The following CACNG4 variants were observed in gnomAD, a reference collection of about 807,000 sequenced individuals.
CACNG4 encodes the protein calcium voltage-gated channel auxiliary subunit gamma 4, also known as voltage-dependent calcium channel gamma-4 subunit.
In CACNG4, 8 loss-of-function variants were observed where a neutral mutation model predicts 22.9. The observed-to-expected ratio is 0.35, with a 90% CI of 0.21 to 0.63. The LOEUF is 0.63. CACNG4 is among the 30% of genes least tolerant of loss of function. The probability of loss-of-function intolerance (pLI) is 0.72; values close to 1 mark genes in which losing one functional copy is unlikely to be tolerated. For synonymous variants in CACNG4, 188 were observed against 191.9 expected (o/e 0.98, Z 0.17); for missense variants, 357 against 455.4 (o/e 0.78, Z 1.97).
chr17:67,022,995 A>T (rs1383373681), intron 2 of CACNG4, among the ~76,000 whole-genome samples: 5 of 152,350 alleles, frequency 3.3e-5, no homozygotes, highest in African/African-American at 9.6e-5. Flanking sequence ...ATGGTGTGGA[A>T]GCCAGAAGCC....
intron 1 of CACNG4, among the ~76,000 whole-genome samples, chr17:66,975,039 G>C (rs1356105530): frequency 6.7e-6 from 1 of 149,112 alleles, no homozygotes; most frequent in Non-Finnish European, 1.5e-5. Flanking sequence ...AACACGGCCT[G>C]CCTGCTACCA....
intron 1 of CACNG4, among the ~76,000 whole-genome samples, chr17:67,006,561 T>C (rs1223042229): frequency 6.6e-6 from 1 of 152,220 alleles, no homozygotes; most frequent in African/African-American, 2.4e-5. Flanking sequence ...ACTTACTCTG[T>C]GTGAACCCCA....
chr17:66,996,711 G>T (rs1485469226), intron 1 of CACNG4, among the ~76,000 whole-genome samples: 1 of 152,094 alleles, frequency 6.6e-6, no homozygotes, highest in Non-Finnish European at 1.5e-5. Context: ...CATGAATCGA[G>T]CAGAGACTAA....
intron 1 of CACNG4, among the ~76,000 whole-genome samples, chr17:67,003,487 G>A (rs1009354051): frequency 6.6e-6 from 1 of 152,148 alleles, no homozygotes; most frequent in Non-Finnish European, 1.5e-5. Flanking sequence ...GATTAGTAAT[G>A]TCTGCCATGG....
At chr17:66,991,236 G>A (rs550455025) in intron 1 of CACNG4, among the ~76,000 whole-genome samples, 87 of 152,068 alleles carry the variant, frequency 5.7e-4, no homozygotes, top group African/African-American at 1.8e-3. Context: ...CCATCTCACC[G>A]TTTCCACTGC....
chr17:67,025,805 A>G lies in CACNG4; in HGVS notation c.445+805A>G, dbSNP rs370561234. On this transcript the variant is annotated intron_variant, in intron 3 of 3. Coordinates refer to ENST00000262138, the MANE Select transcript of CACNG4 (RefSeq NM_014405.4). ...CCTCGCCCTTTCTCCTGGAGAGGGT[A>G]GATGACTTCCGTTCACATCCTGGGA... Among the ~76,000 whole-genome samples, 48 of 152,370 alleles carry G rather than the reference A, an allele frequency of 3.2e-4. 1 individual carries two copies. Among genetic ancestry groups the G allele is most frequent in the African/African-American group, 1.2e-3 (48 of 41,598 alleles).
At chr17:67,004,133 G>A (rs1192646018) in intron 1 of CACNG4, among the ~76,000 whole-genome samples, 1 of 152,126 alleles carries the variant, frequency 6.6e-6, no homozygotes, top group Admixed American at 6.6e-5. Context: ...AAGAAAGAAA[G>A]AAATGAAGAA....
At position 67,030,992 on chromosome 17, in the gene CACNG4, G is replaced by A. The variant is rs752791250; in HGVS notation, c.972G>A (p.Thr324=). ...ACGTCAGCATGCTGAACCGACGGACGACCCCTGTGTGAGCCGCCTGCCCTT... is the reference window on the plus strand; with the variant it reads ...ACGTCAGCATGCTGAACCGACGGACAACCCCTGTGTGAGCCGCCTGCCCTT... ...GFHVSMLNRR[T]TPV is the part of the protein sequence containing the mutation. The change falls in exon 4 of 4, where the codon ACG becomes ACA. Residue 324 remains threonine, a synonymous_variant. Coordinates refer to ENST00000262138, the MANE Select transcript of CACNG4 (RefSeq NM_014405.4). This position sits in a 1 kb window ranked among gnomAD's most constrained non-coding sequence, Gnocchi z 6.4. The A allele has an allele frequency of 1.4e-5, 23 of 1,610,532 alleles. No individual in the cohort carries two copies. The highest frequency in any genetic ancestry group is 1.1e-4 in the African/African-American group (8 of 74,994).
chr17:66,997,735 T>G (rs186160752), intron 1 of CACNG4, among the ~76,000 whole-genome samples: 2 of 152,228 alleles, frequency 1.3e-5, no homozygotes, highest in East Asian at 3.9e-4. Flanking sequence ...GAGGATCGCT[T>G]GAGCCTGGGA....
intron 1 of CACNG4, among the ~76,000 whole-genome samples, chr17:66,990,049 C>G (rs1178849032): frequency 6.6e-6 from 1 of 152,202 alleles, no homozygotes; most frequent in Non-Finnish European, 1.5e-5. Flanking sequence ...TTTATTATCT[C>G]CCAGTCTCTG....
At chr17:67,009,105 C>T (rs1044822285) in intron 1 of CACNG4, among the ~76,000 whole-genome samples, 33 of 152,170 alleles carry the variant, frequency 2.2e-4, no homozygotes, top group Non-Finnish European at 3.1e-4. Context: ...AGCCAAGGAA[C>T]GCCAGAGATC....
intron 2 of CACNG4, among the ~76,000 whole-genome samples, chr17:67,024,315 C>T (rs2035550224): frequency 1.3e-5 from 2 of 152,254 alleles, no homozygotes; most frequent in South Asian, 4.1e-4. Flanking sequence ...TGAGGAACCT[C>T]ATTCCACAGA....
chr17:66,994,543 C>A (rs1224000707), intron 1 of CACNG4, among the ~76,000 whole-genome samples: 1 of 152,138 alleles, frequency 6.6e-6, no homozygotes, highest in Non-Finnish European at 1.5e-5. Flanking sequence ...GCCACCCTGG[C>A]CCCCCAGGGG....
At chr17:67,005,212 A>G (rs2035430647) in intron 1 of CACNG4, among the ~76,000 whole-genome samples, 1 of 152,208 alleles carries the variant, frequency 6.6e-6, no homozygotes, top group Admixed American at 6.5e-5. Flanking sequence ...CTGATCCAAA[A>G]TATACACTTC....
chr17:66,978,566 G>A (rs1354722354), intron 1 of CACNG4, among the ~76,000 whole-genome samples: 1 of 152,164 alleles, frequency 6.6e-6, no homozygotes. Context: ...CTCCCTTCCA[G>A]GGGCCGGACA....
rs1413552230 is a variant in CACNG4 at position 67,030,977 on chromosome 17, G to A, written c.957G>A (p.Met319Ile). Residue 319 changes from methionine to isoleucine, a missense_variant, in exon 4 of 4, where the codon ATG becomes ATA. Around this residue, in one of 3 missense-constraint regions of CACNG4, gnomAD observed 240 missense variants for 277.6 expected, o/e 0.86. Coordinates refer to ENST00000262138, the MANE Select transcript of CACNG4 (RefSeq NM_014405.4). This position sits in a 1 kb window ranked among gnomAD's most constrained non-coding sequence, Gnocchi z 6.4. The part of the protein sequence containing the change: ...QDLKEGFHVS[M>I]LNRRTTPV ...TGAAGGAAGGTTTCCACGTCAGCAT[G>A]CTGAACCGACGGACGACCCCTGTGT... 2.5e-6 allele frequency: 4 copies of A among 1,613,210 alleles called. No individual in the cohort carries two copies. Among genetic ancestry groups the A allele is most frequent in the East Asian group, 2.2e-5 (1 of 44,848 alleles).
chr17:67,027,104 C>T lies in CACNG4; in HGVS notation c.445+2104C>T, dbSNP rs1018232105. 3.0e-4 allele frequency among the ~76,000 whole-genome samples: 45 copies of T among 152,208 alleles called. No homozygotes were observed. Among genetic ancestry groups the T allele is most frequent in the Non-Finnish European group, 2.4e-4 (16 of 68,034 alleles). On this transcript the variant is annotated intron_variant, in intron 3 of 3. Transcript: ENST00000262138. This position sits in a 1 kb window ranked among gnomAD's most constrained non-coding sequence, Gnocchi z 4.3. ...GCTCTGTGAGCCCAACCCCACCATC[C>T]CTGCTCCTGCGGAGGAGGCACACAG...
chr17:66,985,716 T>C (rs899024012), intron 1 of CACNG4, among the ~76,000 whole-genome samples: 1 of 152,206 alleles, frequency 6.6e-6, no homozygotes, highest in African/African-American at 2.4e-5. Context: ...TAGAATCCTG[T>C]CCTGTTCCTC....
At chr17:66,973,681 A>C (rs977427923) in intron 1 of CACNG4, among the ~76,000 whole-genome samples, 3 of 152,230 alleles carry the variant, frequency 2.0e-5, no homozygotes, top group African/African-American at 7.2e-5. Context: ...GTTAACCTGC[A>C]TACAGTCTCA....
Sources: gnomAD v4.1 joint callset for allele counts (sites outside exome capture counted in the v4.1 genomes callset) on GRCh38, gnomAD v4.1.1 for gene constraint, gnomAD v4.1.1 regional missense constraint, Gnocchi (gnomAD v3.1) non-coding constraint, MANE v1.5 for transcripts, NCBI Gene and HGNC (gene_info 2026-07-23, HGNC 2026-07-21) for gene names.